Variants in EIF6 observed in about 807,000 individuals in gnomAD.
EIF6 encodes B4 integrin interactor.
In EIF6, 10 loss-of-function variants were observed where a neutral mutation model predicts 25.5. The ratio of observed to expected loss-of-function variants is 0.39; its 90% CI spans 0.24 to 0.66. EIF6 has a LOEUF of 0.66. EIF6 is among the 30% of genes least tolerant of loss of function. EIF6 has a pLI of 0.45. For synonymous variants in EIF6, 122 were observed against 122.6 expected (o/e 1.00, Z 0.03); for missense variants, 246 against 315.4 (o/e 0.78, Z 1.67).
At chr20:35,281,493 T>C (rs1347971611) in intron 3 of EIF6, among the ~76,000 whole-genome samples, 3 of 152,000 alleles carry the variant, frequency 2.0e-5, no homozygotes, top group South Asian at 2.1e-4. Flanking sequence ...TCACCCAGGC[T>C]GGAGCGCAGT....
chr20:35,283,010 G>A (rs1037191248), intron 3 of EIF6, among the ~76,000 whole-genome samples: 3 of 152,188 alleles, frequency 2.0e-5, no homozygotes, highest in East Asian at 1.9e-4. Flanking sequence ...TGAAAGGACC[G>A]GCCGGGCGCA....
Position 35,284,267 on chromosome 20 carries a change from G to A in EIF6, c.108-6C>T, listed in dbSNP as rs768922881. 55 of 1,613,606 alleles carry A rather than the reference G, an allele frequency of 3.4e-5. No individual in the cohort carries two copies. Among genetic ancestry groups the A allele is most frequent in the Non-Finnish European group, 4.2e-5 (49 of 1,180,032 alleles). ...AGAGCTCGCCCTCGAACACACTGTA[G>A]GGACATGGACTCGGTGGTGGCGGGG... On this transcript the variant is annotated splice_polypyrimidine_tract_variant and splice_region_variant and intron_variant, in intron 2 of 6. Transcript: ENST00000374450.
Position 35,281,213 on chromosome 20 carries a change from C to T in EIF6, c.194-384G>A, listed in dbSNP as rs188865985. Among the ~76,000 whole-genome samples the T allele has an allele frequency of 3.0e-4, 45 of 152,000 alleles. No individual in the cohort carries two copies. The East Asian group carries it at 7.2e-3, about 24-fold the overall frequency. On this transcript the variant is annotated intron_variant, in intron 3 of 6. Coordinates refer to ENST00000374450, the MANE Select transcript of EIF6 (RefSeq NM_002212.4). Reference sequence around the variant, plus strand: ...CATCCTGGCTAACACGGTGAAACCCCGTCTCTACTAAAAATACAAAAAATT... The same window carrying T: ...CATCCTGGCTAACACGGTGAAACCCTGTCTCTACTAAAAATACAAAAAATT...
intron 4 of EIF6, 22 bp from the exon 5 acceptor site, chr20:35,280,140 T>C: frequency 6.2e-7 from 1 of 1,610,912 alleles, no homozygotes; most frequent in East Asian, 2.2e-5. Flanking sequence ...AGATATTGTG[T>C]TCAGGGCTCA....
At position 35,279,132 on chromosome 20, in the gene EIF6, C is replaced by T. The variant is rs1282554661; in HGVS notation, c.*65G>A. On this transcript the variant is annotated 3_prime_UTR_variant, in exon 7 of 7. Transcript: ENST00000374450. ...CTGCCAGCATCCGGTACAGATTGGGCGGAATGTGGAGAAGGTTGGCCACAG... is the reference window on the plus strand; with the variant it reads ...CTGCCAGCATCCGGTACAGATTGGGTGGAATGTGGAGAAGGTTGGCCACAG... The T allele has an allele frequency of 1.8e-5, 29 of 1,606,658 alleles. No individual in the cohort carries two copies. Among genetic ancestry groups the T allele is most frequent in the Middle Eastern group, 1.6e-4 (1 of 6,064 alleles).
chr20:35,280,801 G>T lies in EIF6; in HGVS notation c.222C>A (p.Asn74Lys), dbSNP rs757202736. ...GTTGCAGCTCCTGGTCGGTGGTATT[G>T]TTGGGTACCAGGAGACCGTGCCTGT... The part of the protein sequence containing the change: ...VGNRHGLLVP[N>K]NTTDQELQHI... Residue 74 changes from asparagine to lysine, a missense_variant, in exon 4 of 7, where the codon AAC becomes AAA. Asn to Lys is a moderately conservative substitution (Grantham distance 94). Transcript: ENST00000374450. 1 of 1,614,030 alleles carries T rather than the reference G, an allele frequency of 6.2e-7. No homozygotes were observed. The highest frequency in any genetic ancestry group is 1.3e-5 in the African/African-American group (1 of 74,936).
chr20:35,280,599 C>G, intron 4 of EIF6, 55 bp downstream of exon 4: 3 of 1,586,388 alleles, frequency 1.9e-6, no homozygotes, highest in Non-Finnish European at 1.7e-6. Flanking sequence ...AGAACAGTGG[C>G]TAACCACTGA....
chr20:35,279,620 T>A lies in EIF6; in HGVS notation c.674A>T (p.Asn225Ile). 1 of 1,614,184 alleles carries A rather than the reference T, an allele frequency of 6.2e-7. No individual in the cohort carries two copies. Among genetic ancestry groups the A allele is most frequent in the Non-Finnish European group, 8.5e-7 (1 of 1,180,038 alleles). Reference sequence around the variant, plus strand: ...GGCAATGGTGCTAGGCTGGGCTTCATTCAGCTTGAAGACACTCTCCACCAC... The same window carrying A: ...GGCAATGGTGCTAGGCTGGGCTTCAATCAGCTTGAAGACACTCTCCACCAC... ...LSVVESVFKLNEAQPSTIATS... is the reference protein window; with the variant it reads ...LSVVESVFKLIEAQPSTIATS... Residue 225 changes from asparagine to isoleucine, a missense_variant, in exon 6 of 7, where the codon AAT becomes ATT. By Grantham distance (149) the Asn-to-Ile change is moderately radical. Coordinates refer to ENST00000374450, the MANE Select transcript of EIF6 (RefSeq NM_002212.4).
chr20:35,279,158 T>C lies in EIF6; in HGVS notation c.*39A>G, dbSNP rs780558707. 3 of 1,613,626 alleles carry C rather than the reference T, an allele frequency of 1.9e-6. No individual in the cohort carries two copies. Among genetic ancestry groups the C allele is most frequent in the Admixed American group, 1.7e-5 (1 of 59,984 alleles). The stretch of plus-strand genomic sequence containing the variant: ...GGAATGTGGAGAAGGTTGGCCACAG[T>C]CCAGAGCCAGGAGCCCATGGAACAA... On this transcript the variant is annotated 3_prime_UTR_variant, in exon 7 of 7. Coordinates refer to ENST00000374450, the MANE Select transcript of EIF6 (RefSeq NM_002212.4).
chr20:35,284,388 A>G lies in EIF6; in HGVS notation c.100T>C (p.Phe34Leu), dbSNP rs144868364. ...CCGGGGCTCCCGCCGCACCTGTAGAAGTTCTCTGAGCCTCCGATCGCTACC... is the reference window on the plus strand; with the variant it reads ...CCGGGGCTCCCGCCGCACCTGTAGAGGTTCTCTGAGCCTCCGATCGCTACC... ...CLVAIGGSEN[F>L]YSVFEGELSD... The change falls in exon 2 of 7, where the codon TTC becomes CTC. Residue 34 changes from phenylalanine (F) to leucine (L), a missense_variant. By Grantham distance (22) the Phe-to-Leu change is conservative. Coordinates refer to ENST00000374450, the MANE Select transcript of EIF6 (RefSeq NM_002212.4). 2.8e-4 allele frequency: 450 copies of G among 1,613,852 alleles called. No individual in the cohort carries two copies. Among genetic ancestry groups the G allele is most frequent in the Non-Finnish European group, 3.4e-4 (407 of 1,179,966 alleles).
chr20:35,281,418 G>A (rs1419507376), intron 3 of EIF6, among the ~76,000 whole-genome samples: 1 of 150,978 alleles, frequency 6.6e-6, no homozygotes, highest in Non-Finnish European at 1.5e-5. Flanking sequence ...AAAAAAAACT[G>A]AGCTAACACT....
chr20:35,279,125 G>C lies in EIF6; in HGVS notation c.*72C>G, dbSNP rs1432684951. On this transcript the variant is annotated 3_prime_UTR_variant, in exon 7 of 7. Transcript: ENST00000374450. ...CACCTCCCTGCCAGCATCCGGTACA[G>C]ATTGGGCGGAATGTGGAGAAGGTTG... 6.2e-7 allele frequency: 1 copy of C among 1,602,268 alleles called. No homozygotes were observed. Among genetic ancestry groups the C allele is most frequent in the African/African-American group, 1.3e-5 (1 of 74,680 alleles).
chr20:35,280,842 A>C lies in EIF6; in HGVS notation c.194-13T>G. On this transcript the variant is annotated splice_polypyrimidine_tract_variant and intron_variant, in intron 3 of 6. Coordinates refer to ENST00000374450, the MANE Select transcript of EIF6 (RefSeq NM_002212.4). ...CCGTGCCTGTTCCCTGGAGAAACCC[A>C]AATTAGAGGGTGAATACACAAGATG... The C allele has an allele frequency of 6.2e-7, 1 of 1,613,106 alleles. No individual in the cohort carries two copies. The highest frequency in any genetic ancestry group is 8.5e-7 in the Non-Finnish European group (1 of 1,179,588).
downstream of EIF6, chr20:35,278,913 C>T: frequency 2.0e-6 from 1 of 502,410 alleles, no homozygotes; most frequent in Non-Finnish European, 3.6e-6. Context: ...ACATCACATT[C>T]AGAATGGCCC....
Position 35,284,265 on chromosome 20 carries a change from T to C in EIF6, c.108-4A>G, listed in dbSNP as rs1337076999. The C allele has an allele frequency of 2.5e-6, 4 of 1,613,558 alleles. No homozygotes were observed. Among genetic ancestry groups the C allele is most frequent in the East Asian group, 4.5e-5 (2 of 44,854 alleles). On this transcript the variant is annotated splice_polypyrimidine_tract_variant and splice_region_variant and intron_variant, in intron 2 of 6. Transcript: ENST00000374450. ...GGAGAGCTCGCCCTCGAACACACTG[T>C]AGGGACATGGACTCGGTGGTGGCGG...
chr20:35,284,748 G>A lies in EIF6; in HGVS notation c.-28C>T, dbSNP rs2060811797. On this transcript the variant is annotated 5_prime_UTR_variant, in exon 1 of 7. Transcript: ENST00000374450. ...TACCAAGTAACCAGTAACAAGCTCC[G>A]CACGCGGCGACTGTACCTTGGACTC... 1.9e-6 allele frequency: 1 copy of A among 526,290 alleles called. No homozygotes were observed. The allele number at this position is 526,290 out of a possible 1,614,324, so 32.6% of individuals were successfully genotyped here. A position where few individuals can be genotyped will look rare whatever the true frequency, so the allele number is the denominator to read the frequency against.
intron 3 of EIF6, 95 bp from the exon 4 acceptor site, chr20:35,280,924 A>G: frequency 6.9e-7 from 1 of 1,447,830 alleles, no homozygotes; most frequent in Non-Finnish European, 9.4e-7. Context: ...CAGCTTTCCC[A>G]GGAAAGCTTT....
intron 6 of EIF6, 127 bp downstream of exon 6, chr20:35,279,437 GCT>G (rs2146259180): frequency 1.5e-6 from 2 of 1,303,452 alleles, no homozygotes; most frequent in African/African-American, 1.5e-5. Context: ...GTACAGATAT[GCT>G]CTCACACTCG....
chr20:35,280,925 G>A (rs1353958554), intron 3 of EIF6, 96 bp from the exon 4 acceptor site: 3 of 1,453,518 alleles, frequency 2.1e-6, no homozygotes, highest in Non-Finnish European at 2.8e-6. Context: ...AGCTTTCCCA[G>A]GAAAGCTTTA....
Sources: gnomAD v4.1 joint callset for allele counts (sites outside exome capture counted in the v4.1 genomes callset) on GRCh38, gnomAD v4.1.1 for gene constraint, MANE v1.5 for transcripts, NCBI Gene and HGNC (gene_info 2026-07-23, HGNC 2026-07-21) for gene names.